Variants in FBXL17 observed in about 807,000 individuals in gnomAD.
FBXL17 encodes F-box and leucine rich repeat protein 17.
A neutral mutation model predicts 66.2 loss-of-function variants in FBXL17; 22 were observed. The ratio of observed to expected loss-of-function variants is 0.33; its 90% CI spans 0.24 to 0.47. The LOEUF is 0.47. Ranked by LOEUF, FBXL17 falls within the 20% of genes least tolerant of loss-of-function variation. FBXL17 has a pLI of 1.00. For synonymous variants in FBXL17, 474 were observed against 400.5 expected, an observed-to-expected ratio of 1.18 and a Z score of -2.19; for missense variants, 878 against 948.2, an observed-to-expected ratio of 0.93 and a Z score of 0.97.
At chr5:108,116,310 T>G (rs1750245956) in intron 6 of FBXL17, among the ~76,000 whole-genome samples, 1 of 151,536 alleles carries the variant, frequency 6.6e-6, no homozygotes, top group South Asian at 2.1e-4. Context: ...CATGGGAGGG[T>G]AGTGAATATC....
At chr5:108,138,632 A>G (rs1213278002) in intron 6 of FBXL17, among the ~76,000 whole-genome samples, 1 of 152,212 alleles carries the variant, frequency 6.6e-6, no homozygotes, top group East Asian at 1.9e-4. Flanking sequence ...TCACTTACAC[A>G]TAGCCTTTAT....
chr5:108,307,661 A>G (rs116308616), intron 4 of FBXL17, among the ~76,000 whole-genome samples: 148 of 152,168 alleles, frequency 9.7e-4, no homozygotes, highest in African/African-American at 3.5e-3. Context: ...TAACATATAT[A>G]TTGCTATTAC....
chr5:107,973,018 G>A (rs1387634973), intron 7 of FBXL17, among the ~76,000 whole-genome samples: 1 of 152,158 alleles, frequency 6.6e-6, no homozygotes, highest in Non-Finnish European at 1.5e-5. Flanking sequence ...GGTGGTGTTT[G>A]AAGAGGGCCT....
intron 4 of FBXL17, among the ~76,000 whole-genome samples, chr5:108,228,037 G>T (rs1386288371): frequency 6.6e-6 from 1 of 152,150 alleles, no homozygotes; most frequent in East Asian, 1.9e-4. Context: ...GAAAACTCAG[G>T]TCCAAGAGGC....
chr5:108,115,155 T>C (rs927754815), intron 6 of FBXL17, among the ~76,000 whole-genome samples: 4 of 152,142 alleles, frequency 2.6e-5, no homozygotes, highest in African/African-American at 9.7e-5. Context: ...AATAAACTGC[T>C]AGAACAGTAA....
chr5:108,052,856 C>A (rs1264123994), intron 6 of FBXL17, among the ~76,000 whole-genome samples: 2 of 152,076 alleles, frequency 1.3e-5, no homozygotes, highest in African/African-American at 4.8e-5. Context: ...GACAAATAGA[C>A]CAATGGAACA....
intron 4 of FBXL17, among the ~76,000 whole-genome samples, chr5:108,275,443 C>T (rs886991234): frequency 6.6e-6 from 1 of 152,180 alleles, no homozygotes; most frequent in Non-Finnish European, 1.5e-5. Flanking sequence ...CTATGACTTA[C>T]CCTGAATATG....
At chr5:108,085,463 G>C (rs1449438353) in intron 6 of FBXL17, among the ~76,000 whole-genome samples, 3 of 152,202 alleles carry the variant, frequency 2.0e-5, no homozygotes, top group Non-Finnish European at 4.4e-5. Flanking sequence ...GTGGCTCCAA[G>C]AATAGATGGC....
chr5:108,373,508 T>C (rs922460190), intron 1 of FBXL17, among the ~76,000 whole-genome samples: 1 of 150,976 alleles, frequency 6.6e-6, no homozygotes, highest in African/African-American at 2.4e-5. Context: ...ATCAGAGGAA[T>C]TGACAAACAA....
chr5:107,917,025 A>G (rs550003018), intron 7 of FBXL17, among the ~76,000 whole-genome samples: 17 of 152,294 alleles, frequency 1.1e-4, no homozygotes, highest in African/African-American at 4.1e-4. Context: ...GTATATTTCT[A>G]TCCCTTCATA....
chr5:108,330,117 A>C (rs954761554), intron 4 of FBXL17, among the ~76,000 whole-genome samples: 1 of 152,212 alleles, frequency 6.6e-6, no homozygotes, highest in Non-Finnish European at 1.5e-5. Context: ...GAAGTAGCCA[A>C]AGACTACTTT....
At chr5:108,300,775 G>C (rs557829721) in intron 4 of FBXL17, among the ~76,000 whole-genome samples, 31 of 151,504 alleles carry the variant, frequency 2.0e-4, no homozygotes, top group Non-Finnish European at 4.3e-4. Context: ...TTATTACCTT[G>C]CATCTATATA....
At chr5:108,343,503 G>A (rs1277820191) in intron 4 of FBXL17, among the ~76,000 whole-genome samples, 1 of 152,096 alleles carries the variant, frequency 6.6e-6, no homozygotes, top group Non-Finnish European at 1.5e-5. Context: ...TGAGAAATAA[G>A]ACATCAAGAT....
intron 7 of FBXL17, among the ~76,000 whole-genome samples, chr5:107,944,471 A>G (rs1381724028): frequency 6.6e-6 from 1 of 152,104 alleles, no homozygotes; most frequent in Non-Finnish European, 1.5e-5. Flanking sequence ...GTTACTCTCC[A>G]GCTTCATCAG....
intron 6 of FBXL17, among the ~76,000 whole-genome samples, chr5:108,061,044 T>C (rs1488762205): frequency 6.6e-6 from 1 of 151,846 alleles, no homozygotes; most frequent in African/African-American, 2.4e-5. Context: ...CCCAGCACTT[T>C]GGGAGGGCAA....
At chr5:107,923,771 T>G (rs1466051179) in intron 7 of FBXL17, among the ~76,000 whole-genome samples, 4 of 152,198 alleles carry the variant, frequency 2.6e-5, no homozygotes, top group Non-Finnish European at 5.9e-5. Flanking sequence ...ATTGATTCAT[T>G]CAACACAAAT....
intron 7 of FBXL17, among the ~76,000 whole-genome samples, chr5:107,906,941 T>C (rs1449245107): frequency 6.6e-6 from 1 of 152,220 alleles, no homozygotes; most frequent in African/African-American, 2.4e-5. Flanking sequence ...GGAGTTTCCA[T>C]TCCGCATGGC....
chr5:107,875,167 G>A (rs1748582280), intron 8 of FBXL17, among the ~76,000 whole-genome samples: 1 of 146,274 alleles, frequency 6.8e-6, no homozygotes, highest in Non-Finnish European at 1.5e-5. Flanking sequence ...TTACATTTTG[G>A]CTATGGGCAA....
intron 6 of FBXL17, among the ~76,000 whole-genome samples, chr5:108,113,264 T>C (rs1341063605): frequency 6.6e-6 from 1 of 152,170 alleles, no homozygotes; most frequent in East Asian, 1.9e-4. Context: ...CTCAGTCTCT[T>C]TATTTTCTAA....
Sources: gnomAD v4.1 joint callset for allele counts (sites outside exome capture counted in the v4.1 genomes callset) on GRCh38, gnomAD v4.1.1 for gene constraint, MANE v1.5 for transcripts, NCBI Gene and HGNC (gene_info 2026-07-23, HGNC 2026-07-21) for gene names.